OPN5: variants seen among roughly 807,000 people sequenced by gnomAD.
OPN5 encodes the protein opsin 5.
In OPN5, 18 loss-of-function variants were observed where a neutral mutation model predicts 41.7. The ratio of observed to expected loss-of-function variants is 0.43; its 90% CI spans 0.30 to 0.64. The LOEUF is 0.64. OPN5 is among the 30% of genes least tolerant of loss of function. The pLI is 0.13. For missense variants in OPN5, 318 were observed against 434.5 expected, an observed-to-expected ratio of 0.73 and a Z score of 2.38; for synonymous variants, 178 against 164.3, an observed-to-expected ratio of 1.08 and a Z score of -0.64.
chr6:47,797,682 A>T (rs1377955350), intron 4 of OPN5, among the ~76,000 whole-genome samples: 1 of 152,180 alleles, frequency 6.6e-6, no homozygotes, highest in Non-Finnish European at 1.5e-5. Flanking sequence ...ATGTCTCAAA[A>T]TGTGCTTTCT....
At chr6:47,794,127 A>G (rs561353556) in intron 3 of OPN5, among the ~76,000 whole-genome samples, 15 of 152,338 alleles carry the variant, frequency 9.8e-5, no homozygotes, top group Admixed American at 3.9e-4. Flanking sequence ...ACATTATTTT[A>G]TTTAACCCAT....
Position 47,814,304 on chromosome 6 carries a change from G to A in OPN5, c.1056+2573G>A, listed in dbSNP as rs569738825. ...GAAGGTGGAATTTAACATTAACATT[G>A]TACAAACGTCCCTGAAGACAGATAG... On this transcript the variant is annotated intron_variant, in intron 6 of 6. Coordinates refer to ENST00000371211, the Ensembl canonical transcript of OPN5. 2.6e-5 allele frequency among the ~76,000 whole-genome samples: 4 copies of A among 152,038 alleles called. No individual in the cohort carries two copies. In the South Asian group the frequency reaches 6.2e-4, roughly 24 times the overall value.
In OPN5 at chr6:47,786,066, G is replaced by A. The variant is rs531324096; in HGVS notation, c.131-449G>A. On this transcript the variant is annotated intron_variant, in intron 1 of 6. Coordinates refer to ENST00000371211, the Ensembl canonical transcript of OPN5. ...TCTCCTGAACACTGGTGCTCCCTTAGGAGTTGACAGTGATACTGAAGGCAC... is the reference window on the plus strand; with the variant it reads ...TCTCCTGAACACTGGTGCTCCCTTAAGAGTTGACAGTGATACTGAAGGCAC... Among the ~76,000 whole-genome samples the A allele has an allele frequency of 7.2e-5, 11 of 152,342 alleles. No individual in the cohort carries two copies. In the East Asian group the frequency reaches 1.9e-3, roughly 27 times the overall value.
At chr6:47,814,434 A>C (rs1378447078) in intron 6 of OPN5, among the ~76,000 whole-genome samples, 3 of 152,136 alleles carry the variant, frequency 2.0e-5, no homozygotes, top group Admixed American at 6.6e-5. Flanking sequence ...GTGAAAAGGA[A>C]AAAAAGAGTT....
intron 6 of OPN5, among the ~76,000 whole-genome samples, chr6:47,814,886 A>AC (rs1278123978): frequency 1.3e-5 from 2 of 152,142 alleles, no homozygotes; most frequent in Non-Finnish European, 2.9e-5. Flanking sequence ...CTGATGCATA[A>AC]AGGACACTTG....
chr6:47,791,638 T>A (rs1479415155), intron 2 of OPN5, among the ~76,000 whole-genome samples, 164 bp from the exon 3 acceptor site: 1 of 152,238 alleles, frequency 6.6e-6, no homozygotes. Context: ...TATTCATAGA[T>A]AACTGCTGGG....
At chr6:47,808,516 G>T in intron 5 of OPN5, 121 bp downstream of exon 5, 4 of 1,065,760 alleles carry the variant, frequency 3.8e-6, no homozygotes, top group Non-Finnish European at 5.5e-6. Flanking sequence ...AGTAGTGTAG[G>T]AAGGACTTTA....
At chr6:47,811,726 G>C in exon 6 of OPN5, 1 of 1,608,536 alleles carries the variant, frequency 6.2e-7, no homozygotes, top group Non-Finnish European at 8.5e-7. Flanking sequence ...GGAAATTCAT[G>C]AAGAGGTATG....
intron 6 of OPN5, among the ~76,000 whole-genome samples, chr6:47,819,336 A>AATACATATATATATATAT (rs1762524673): frequency 4.1e-5 from 1 of 24,328 alleles, no homozygotes; most frequent in Non-Finnish European, 8.1e-5. Flanking sequence ...GAAAATTAGG[A>AATACATATATATATATAT]ATATATATAT....
chr6:47,799,196 GTATATATATA>G (rs377613785), intron 4 of OPN5, among the ~76,000 whole-genome samples: 4 of 146,650 alleles, frequency 2.7e-5, no homozygotes, highest in African/African-American at 1.0e-4. Context: ...GAGGTGTGAT[GTATATATATA>G]TATATATATA....
At chr6:47,813,731 A>G (rs1446384611) in intron 6 of OPN5, among the ~76,000 whole-genome samples, 1 of 152,144 alleles carries the variant, frequency 6.6e-6, no homozygotes, top group Non-Finnish European at 1.5e-5. Context: ...GAGGACCTGA[A>G]TTAAAAAATG....
Position 47,805,453 on chromosome 6 carries a change from G to A in OPN5, c.757-2701G>A, listed in dbSNP as rs926026474. Among the ~76,000 whole-genome samples the A allele has an allele frequency of 5.9e-5, 9 of 151,766 alleles. No individual in the cohort carries two copies. In the East Asian group the frequency reaches 1.6e-3, roughly 26 times the overall value. ...GTGTGTGTGTGTGTGTGTGCTGCAG[G>A]TAATGTTCAGAGATGAGTTCTGAAA... On this transcript the variant is annotated intron_variant, in intron 4 of 6. Coordinates refer to ENST00000371211, the Ensembl canonical transcript of OPN5.
intron 4 of OPN5, among the ~76,000 whole-genome samples, chr6:47,798,345 C>T (rs1773644570): frequency 6.6e-6 from 1 of 151,594 alleles, no homozygotes; most frequent in African/African-American, 2.4e-5. Context: ...ACATATGAGT[C>T]AATGCTTTTG....
In OPN5 at chr6:47,823,990, A is replaced by G. The variant is rs182589383; in HGVS notation, c.1064A>G (p.Ter355=). 829 of 1,550,260 alleles carry G rather than the reference A, an allele frequency of 5.3e-4. 10 individuals are homozygous for G. Among genetic ancestry groups the G allele is most frequent in the Non-Finnish European group, 4.5e-5 (51 of 1,145,716 alleles). Reference sequence around the variant, plus strand: ...ATTTTTTCTTCTCTACAGTGGGAATAACAAATGTTCTGGTTGTGAAGAGTG... The same window carrying G: ...ATTTTTTCTTCTCTACAGTGGGAATGACAAATGTTCTGGTTGTGAAGAGTG... The change falls in exon 7 of 7, where the codon TAA becomes TGA. Residue 355 remains the stop codon, a stop_retained_variant. Coordinates refer to ENST00000371211, the Ensembl canonical transcript of OPN5.
chr6:47,824,243 A>G, exon 7 of OPN5: 1 of 553,878 alleles, frequency 1.8e-6, no homozygotes, highest in Non-Finnish European at 3.2e-6. Context: ...CCCACGCTTT[A>G]AACATCCTGC....
At chr6:47,790,547 A>T (rs1477436986) in intron 2 of OPN5, among the ~76,000 whole-genome samples, 1 of 152,150 alleles carries the variant, frequency 6.6e-6, no homozygotes, top group African/African-American at 2.4e-5. Flanking sequence ...GTGAATACTC[A>T]ACTTTCTGGG....
chr6:47,790,828 C>T (rs1036228303), intron 2 of OPN5, among the ~76,000 whole-genome samples: 10 of 152,146 alleles, frequency 6.6e-5, no homozygotes, highest in African/African-American at 2.4e-4. Flanking sequence ...GATATATAAC[C>T]TCTCTCTTTC....
chr6:47,786,808 T>G (rs1348226194), intron 2 of OPN5, among the ~76,000 whole-genome samples, 174 bp downstream of exon 2: 2 of 152,234 alleles, frequency 1.3e-5, no homozygotes, highest in Non-Finnish European at 2.9e-5. Context: ...GCTGTCCGGC[T>G]GACAAGATTA....
rs1561907320 is a variant in OPN5 at position 47,819,363 on chromosome 6, TTACCGTATAAGTAGAA to T, written c.1057-4619_1057-4604del. 2.5e-3 allele frequency among the ~76,000 whole-genome samples: 86 copies of T among 35,072 alleles called. 1 individual carries two copies. The highest frequency in any genetic ancestry group is 0.02 in the East Asian group (8 of 406). 23.0% of individuals were successfully genotyped at this position (35,072 alleles called of 152,430 possible). A position where few individuals can be genotyped will look rare whatever the true frequency, so the allele number is the denominator to read the frequency against. ...TATATATATATATATAAAAAATATA[TTACCGTATAAGTAGAA>T]ATATATATATATATATATATAAAAC... On this transcript the variant is annotated intron_variant, in intron 6 of 6. Coordinates refer to ENST00000371211, the Ensembl canonical transcript of OPN5.
Sources: allele counts gnomAD v4.1 joint callset (sites outside exome capture counted in the v4.1 genomes callset), GRCh38; gene constraint gnomAD v4.1.1; transcripts MANE v1.5; gene names NCBI Gene and HGNC (gene_info 2026-07-23, HGNC 2026-07-21).